Variants in COL21A1 observed in about 807,000 individuals in gnomAD.
The protein encoded by COL21A1 is collagen alpha-1(XXI) chain.
COL21A1 carries 149 observed loss-of-function variants against 137.9 expected under a neutral mutation model. The observed-to-expected ratio is 1.08, with a 90% confidence interval of 0.95 to 1.24. COL21A1 has a LOEUF of 1.24. Ranked by LOEUF, COL21A1 falls within the 50% of genes most tolerant of loss-of-function variation. COL21A1 has a pLI of 0.00. For synonymous variants in COL21A1, 456 were observed against 391.5 expected (o/e 1.16, Z -1.95); for missense variants, 1,167 against 1,158.4 (o/e 1.01, Z -0.11).
intron 1 of COL21A1, among the ~76,000 whole-genome samples, chr6:56,286,573 C>T (rs956446186): frequency 5.9e-5 from 9 of 152,262 alleles, no homozygotes; most frequent in East Asian, 1.9e-4. Flanking sequence ...GCATTTAGCA[C>T]GGGGCTGAGC....
At chr6:56,261,328 T>C (rs1763269039) in intron 1 of COL21A1, among the ~76,000 whole-genome samples, 1 of 152,194 alleles carries the variant, frequency 6.6e-6, no homozygotes, top group Non-Finnish European at 1.5e-5. Flanking sequence ...TTAATCATTG[T>C]ATTAGTTAGG....
chr6:56,301,780 T>C (rs1764298396), intron 1 of COL21A1, among the ~76,000 whole-genome samples: 2 of 152,184 alleles, frequency 1.3e-5, no homozygotes, highest in African/African-American at 2.4e-5. Flanking sequence ...TACATATGTA[T>C]ACATGTGCCA....
At chr6:56,218,198 C>A (rs2152310649) in intron 1 of COL21A1, among the ~76,000 whole-genome samples, 1 of 152,004 alleles carries the variant, frequency 6.6e-6, no homozygotes, top group African/African-American at 2.4e-5. Context: ...TGCTGAATTA[C>A]CTTATTTTCA....
intron 1 of COL21A1, among the ~76,000 whole-genome samples, chr6:56,302,769 A>G (rs915533883): frequency 8.6e-5 from 13 of 151,260 alleles, no homozygotes; most frequent in African/African-American, 2.9e-4. Flanking sequence ...TTTTGTTGCC[A>G]TTGCTTTTGG....
chr6:56,115,253 C>A (rs558689582), intron 16 of COL21A1, among the ~76,000 whole-genome samples: 1 of 150,526 alleles, frequency 6.6e-6, no homozygotes, highest in African/African-American at 2.4e-5. Flanking sequence ...ATGTAACTAA[C>A]CTGCACAATG....
rs186415065 is a variant in COL21A1, at chr6:56,365,820, A to G, written c.-39+28151T>C. ...TTAACTCTGAATCTTTACACCATGT[A>G]TAACAACCACTTCTTTCCAAGCCTG... is the stretch of plus-strand genomic sequence containing the variant. On this transcript the variant is annotated intron_variant, in intron 1 of 28. Transcript: ENST00000370819. 2.7e-3 allele frequency among the ~76,000 whole-genome samples: 409 copies of G among 152,310 alleles called. 4 individuals carry two copies. The highest frequency in any genetic ancestry group is 0.01 in the Middle Eastern group (3 of 294).
intron 10 of COL21A1, among the ~76,000 whole-genome samples, chr6:56,146,397 A>G (rs1450248952): frequency 1.3e-5 from 2 of 152,178 alleles, no homozygotes; most frequent in African/African-American, 4.8e-5. Context: ...ATTAAATTTC[A>G]AGAAAATTAA....
intron 1 of COL21A1, chr6:56,225,963 T>C (rs542629493): frequency 2.6e-5 from 4 of 152,134 alleles, no homozygotes; most frequent in African/African-American, 9.6e-5. Context: ...CCTGTCTTCA[T>C]TGTGGTGTAC....
At chr6:56,306,060 G>GCTCC (rs529509138) in intron 1 of COL21A1, among the ~76,000 whole-genome samples, 1 of 24,574 alleles carries the variant, frequency 4.1e-5, no homozygotes, top group African/African-American at 5.3e-5. Flanking sequence ...TTGAATATTG[G>GCTCC]CACTCTCTTC....
At chr6:56,294,282 A>AAATC (rs1764116270) in intron 1 of COL21A1, among the ~76,000 whole-genome samples, 1 of 152,132 alleles carries the variant, frequency 6.6e-6, no homozygotes, top group Non-Finnish European at 1.5e-5. Context: ...TCAAAACTGA[A>AAATC]AATCAATCAA....
intron 10 of COL21A1, among the ~76,000 whole-genome samples, chr6:56,144,471 T>C (rs1774681553): frequency 6.6e-6 from 1 of 152,248 alleles, no homozygotes; most frequent in Non-Finnish European, 1.5e-5. Context: ...AAATTGGCTA[T>C]TGATCAAAAT....
chr6:56,097,934 T>A (rs1392583270), intron 17 of COL21A1, among the ~76,000 whole-genome samples: 1 of 82,888 alleles, frequency 1.2e-5, no homozygotes, highest in Non-Finnish European at 2.0e-5. Context: ...TATAAATATA[T>A]AAAAATATAT....
Position 56,057,461 on chromosome 6 carries a change from C to A in COL21A1, c.*196G>T. 1 of 585,874 alleles carries A rather than the reference C, an allele frequency of 1.7e-6. No homozygotes were observed. Among genetic ancestry groups the A allele is most frequent in the Non-Finnish European group, 3.0e-6 (1 of 337,912 alleles). The allele number at this position is 585,874 out of a possible 1,614,324, so 36.3% of individuals were successfully genotyped here. On this transcript the variant is annotated 3_prime_UTR_variant, in exon 30 of 30. Transcript: ENST00000244728. The stretch of plus-strand genomic sequence containing the variant: ...TGAGATTTAATTAATGCTGCTAATC[C>A]AAGGGCTCCAAATGACTGAGGAGCC...
At chr6:56,190,289 A>G (rs1778574819) in intron 1 of COL21A1, among the ~76,000 whole-genome samples, 6 of 152,210 alleles carry the variant, frequency 3.9e-5, no homozygotes, top group Admixed American at 3.9e-4. Flanking sequence ...AATACAAACT[A>G]CCATCAGAGA....
intron 1 of COL21A1, among the ~76,000 whole-genome samples, chr6:56,244,451 A>G (rs1328196026): frequency 6.6e-6 from 1 of 152,078 alleles, no homozygotes; most frequent in Non-Finnish European, 1.5e-5. Context: ...CTTCTTTTTC[A>G]TCCCCACAGC....
At chr6:56,157,377 C>T (rs1177762830) in intron 9 of COL21A1, among the ~76,000 whole-genome samples, 1 of 141,254 alleles carries the variant, frequency 7.1e-6, no homozygotes, top group Non-Finnish European at 1.5e-5. Flanking sequence ...GTGATGCGAT[C>T]TCGGCTCACT....
intron 1 of COL21A1, among the ~76,000 whole-genome samples, chr6:56,346,028 T>C (rs1015759657): frequency 5.5e-4 from 83 of 152,266 alleles, no homozygotes; most frequent in African/African-American, 1.8e-3. Context: ...TGAGTAGAAC[T>C]GTTTTCTTCA....
intron 3 of COL21A1, among the ~76,000 whole-genome samples, chr6:56,172,069 G>A (rs200177507): frequency 2.5e-4 from 35 of 142,264 alleles, no homozygotes; most frequent in South Asian, 4.4e-4. Flanking sequence ...GCGAGTTCCA[G>A]AAAAAAAAAA....
intron 1 of COL21A1, among the ~76,000 whole-genome samples, chr6:56,246,311 G>A (rs1212403329): frequency 6.6e-6 from 1 of 152,158 alleles, no homozygotes; most frequent in Non-Finnish European, 1.5e-5. Context: ...ATTACAGCTG[G>A]AAGACTCATG....
Sources: allele counts gnomAD v4.1 joint callset (sites outside exome capture counted in the v4.1 genomes callset), GRCh38; gene constraint gnomAD v4.1.1; transcripts MANE v1.5; gene names NCBI Gene and HGNC (gene_info 2026-07-23, HGNC 2026-07-21).